The following ARK2N variants were observed in gnomAD, a reference collection of about 807,000 sequenced individuals.
The protein encoded by ARK2N is protein ARK2N.
At chr18:46,202,693 G>C in the ARK2N span, among the ~76,000 whole-genome samples, 1 of 151,592 alleles carries the variant, frequency 6.6e-6, no homozygotes, top group African/African-American at 2.4e-5. Flanking sequence ...AAGGCTGAAG[G>C]AGGAGAATCG....
chr18:46,250,225 C>A, the ARK2N span, among the ~76,000 whole-genome samples: 1 of 152,016 alleles, frequency 6.6e-6, no homozygotes, highest in African/African-American at 2.4e-5. Context: ...ATGAAACATT[C>A]CTGGCACCTG....
the ARK2N span, among the ~76,000 whole-genome samples, chr18:46,261,013 C>G: frequency 6.6e-6 from 1 of 152,162 alleles, no homozygotes; most frequent in African/African-American, 2.4e-5. Flanking sequence ...TCTTTTACTT[C>G]GGAGATATTT....
the ARK2N span, among the ~76,000 whole-genome samples, chr18:46,186,164 G>C: frequency 6.6e-6 from 1 of 151,536 alleles, no homozygotes; most frequent in Non-Finnish European, 1.5e-5. Flanking sequence ...AGTTTATGGA[G>C]AGTGGTTTTT....
the ARK2N span, among the ~76,000 whole-genome samples, chr18:46,208,786 G>A: frequency 6.6e-6 from 1 of 152,020 alleles, no homozygotes; most frequent in African/African-American, 2.4e-5. Flanking sequence ...AATCTTTTAT[G>A]TGTCCTTATG....
At chr18:46,175,008 G>C in the ARK2N span, among the ~76,000 whole-genome samples, 1 of 152,328 alleles carries the variant, frequency 6.6e-6, no homozygotes, top group Non-Finnish European at 1.5e-5. Context: ...CTTCTGGGGA[G>C]TTTGTCAACT....
chr18:46,231,609 G>A, the ARK2N span, among the ~76,000 whole-genome samples: 4,046 of 132,632 alleles, frequency 0.031, 178 homozygotes, highest in African/African-American at 0.11. Context: ...CTAGCAGACC[G>A]AATAGAAGAA....
chr18:46,196,730 C>G, the ARK2N span, among the ~76,000 whole-genome samples: 3 of 152,130 alleles, frequency 2.0e-5, no homozygotes, highest in Admixed American at 2.0e-4. Context: ...ACTAGTTGGT[C>G]AATTATGACT....
chr18:46,215,340 C>CAAAA, the ARK2N span, among the ~76,000 whole-genome samples: 1 of 151,582 alleles, frequency 6.6e-6, no homozygotes, highest in Non-Finnish European at 1.5e-5. Context: ...AACAAACAAA[C>CAAAA]AAAAACATTT....
chr18:46,177,587 CCTGA>C, the ARK2N span, among the ~76,000 whole-genome samples: 1 of 151,828 alleles, frequency 6.6e-6, no homozygotes, highest in African/African-American at 2.4e-5. Flanking sequence ...TGCCACCACG[CCTGA>C]CTAATTTTTT....
chr18:46,242,866 G>T, the ARK2N span, among the ~76,000 whole-genome samples: 5 of 152,020 alleles, frequency 3.3e-5, no homozygotes, highest in African/African-American at 1.2e-4. Context: ...GACATTTAGG[G>T]TGCTATTTTA....
At chr18:46,201,980 G>A in the ARK2N span, among the ~76,000 whole-genome samples, 1 of 152,040 alleles carries the variant, frequency 6.6e-6, no homozygotes, top group Non-Finnish European at 1.5e-5. Flanking sequence ...GTTTCGCCAT[G>A]TTGGCCGAGA....
At chr18:46,215,502 CAG>C in the ARK2N span, among the ~76,000 whole-genome samples, 1 of 152,074 alleles carries the variant, frequency 6.6e-6, no homozygotes, top group Non-Finnish European at 1.5e-5. Context: ...TTAATTATAT[CAG>C]AGTTTTGAAG....
the ARK2N span, among the ~76,000 whole-genome samples, chr18:46,234,339 A>G: frequency 6.6e-6 from 1 of 152,050 alleles, no homozygotes; most frequent in Admixed American, 6.6e-5. Context: ...CTGGGACTGC[A>G]GGCGTATGCC....
At chr18:46,231,130 A>C in the ARK2N span, among the ~76,000 whole-genome samples, 1 of 152,200 alleles carries the variant, frequency 6.6e-6, no homozygotes, top group African/African-American at 2.4e-5. Flanking sequence ...ATAAAATTTT[A>C]ATTTAGAGCC....
chr18:46,189,803 G>A, the ARK2N span, among the ~76,000 whole-genome samples: 136 of 152,316 alleles, frequency 8.9e-4, no homozygotes, highest in African/African-American at 3.2e-3. Context: ...GTTTGATGGT[G>A]CAGTGAGTGA....
At chr18:46,224,737 GATA>G in the ARK2N span, among the ~76,000 whole-genome samples, 2 of 152,218 alleles carry the variant, frequency 1.3e-5, no homozygotes, top group Non-Finnish European at 2.9e-5. Flanking sequence ...TATGAAAAAT[GATA>G]ATGTTAGTCA....
chr18:46,219,692 G>A, the ARK2N span, among the ~76,000 whole-genome samples: 2 of 152,024 alleles, frequency 1.3e-5, no homozygotes, highest in Non-Finnish European at 2.9e-5. Context: ...GGATGGTCTT[G>A]ATCTCCTGAC....
At chr18:46,256,062 G>T in the ARK2N span, among the ~76,000 whole-genome samples, 1 of 151,908 alleles carries the variant, frequency 6.6e-6, no homozygotes, top group African/African-American at 2.4e-5. Context: ...TAAATTTTAG[G>T]GTTCCTACTA....
At chr18:46,216,662 A>G in the ARK2N span, 1 of 1,358,810 alleles carries the variant, frequency 7.4e-7, no homozygotes, top group Admixed American at 2.5e-5. The surrounding 1 kb of genome is among the most constrained non-coding windows in gnomAD (Gnocchi z 4.3). Flanking sequence ...AGGTTCAGTT[A>G]GATGAGTGAC....
Sources: allele counts gnomAD v4.1 joint callset (sites outside exome capture counted in the v4.1 genomes callset), GRCh38; gene constraint gnomAD v4.1.1; non-coding constraint Gnocchi (gnomAD v3.1); transcripts MANE v1.5; gene names NCBI Gene and HGNC (gene_info 2026-07-23, HGNC 2026-07-21).